The following KLRK1 variants were observed in gnomAD, a reference collection of about 807,000 sequenced individuals.
KLRK1 encodes killer cell lectin like receptor K1, also known as NKG2-D type II integral membrane protein.
In KLRK1, 40 loss-of-function variants were observed where a neutral mutation model predicts 31.3. The observed-to-expected ratio is 1.28, with a 90% CI of 0.99 to 1.67. The LOEUF (loss-of-function observed/expected upper bound fraction) is 1.67, where lower values mean the gene tolerates loss of function less well. Ranked by LOEUF, KLRK1 falls within the 40% of genes most tolerant of loss-of-function variation. The probability of loss-of-function intolerance (pLI) is 0.00; values close to 1 mark genes in which losing one functional copy is unlikely to be tolerated. For synonymous variants in KLRK1, 77 were observed against 77.3 expected (o/e 1.00, Z 0.02); for missense variants, 251 against 260.0 (o/e 0.97, Z 0.24).
chr12:10,377,795 A>T (rs1862993117), intron 7 of KLRK1, among the ~76,000 whole-genome samples: 1 of 152,212 alleles, frequency 6.6e-6, no homozygotes, highest in Admixed American at 6.5e-5. Flanking sequence ...TTATATGTTA[A>T]TTATATCTCA....
Position 10,378,674 on chromosome 12 carries a change from C to A in KLRK1, c.309G>T (p.Trp103Cys). ...GGTAGCAGTTATTTTTGTAACATATCCAGTTTTTAGGACATGGGCCACAGT... is the reference window on the plus strand; with the variant it reads ...GGTAGCAGTTATTTTTGTAACATATACAGTTTTTAGGACATGGGCCACAGT... ...ESYCGPCPKN[W>C]ICYKNNCYQF... Residue 103 changes from tryptophan to cysteine, a missense_variant, in exon 6 of 8, where the codon TGG (tryptophan) becomes TGT (cysteine). Coordinates refer to ENST00000240618, the MANE Select transcript of KLRK1 (RefSeq NM_007360.4). 1.2e-6 allele frequency: 2 copies of A among 1,609,596 alleles called. No homozygotes were observed. Among genetic ancestry groups the A allele is most frequent in the South Asian group, 1.1e-5 (1 of 90,026 alleles).
chr12:10,386,458 A>G (rs1015630099), intron 3 of KLRK1, among the ~76,000 whole-genome samples: 5 of 152,082 alleles, frequency 3.3e-5, no homozygotes, highest in African/African-American at 1.2e-4. Flanking sequence ...ATAAAGGTCT[A>G]TTACCAATAA....
intron 2 of KLRK1, among the ~76,000 whole-genome samples, chr12:10,387,671 G>C (rs1863194110): frequency 6.6e-6 from 1 of 151,240 alleles, no homozygotes; most frequent in Non-Finnish European, 1.5e-5. Flanking sequence ...TCAGCCTCTT[G>C]AGTAGCTGGG....
At chr12:10,378,325 C>G (rs1863003853) in intron 6 of KLRK1, 90 bp from the exon 7 acceptor site, 1 of 1,431,224 alleles carries the variant, frequency 7.0e-7, no homozygotes, top group South Asian at 1.3e-5. Context: ...TGTTCTCACA[C>G]TTGTAAAAAA....
At position 10,373,081 on chromosome 12, in the gene KLRK1, G is replaced by C; in HGVS notation, c.*33C>G. On this transcript the variant is annotated 3_prime_UTR_variant, in exon 8 of 8. Coordinates refer to ENST00000240618, the MANE Select transcript of KLRK1 (RefSeq NM_007360.4). ...TTACCGCTGGTGTAATCTCTTCTCT[G>C]TTCCTGGCTTTTATTGAGATGGTTG... is the stretch of plus-strand genomic sequence containing the variant. 1 of 1,590,254 alleles carries C rather than the reference G, an allele frequency of 6.3e-7. No individual in the cohort carries two copies. The highest frequency in any genetic ancestry group is 8.6e-7 in the Non-Finnish European group (1 of 1,160,982).
At chr12:10,380,627 G>A (rs1450418923) in intron 3 of KLRK1, among the ~76,000 whole-genome samples, 1 of 152,162 alleles carries the variant, frequency 6.6e-6, no homozygotes, top group Non-Finnish European at 1.5e-5. Flanking sequence ...TTGGAGCCAA[G>A]AGGGACTCTC....
intron 5 of KLRK1, 70 bp from the exon 6 acceptor site, chr12:10,378,775 T>G: frequency 6.7e-7 from 1 of 1,489,956 alleles, no homozygotes; most frequent in African/African-American, 1.4e-5. Context: ...CTAGACAAAT[T>G]AAATGCCTTT....
chr12:10,382,484 G>A (rs756318087), intron 3 of KLRK1, among the ~76,000 whole-genome samples: 7 of 152,062 alleles, frequency 4.6e-5, no homozygotes, highest in African/African-American at 1.2e-4. Context: ...CTGAGATACC[G>A]TACCCAGCAA....
At chr12:10,378,031 G>A in intron 7 of KLRK1, 101 bp downstream of exon 7, 1 of 1,222,390 alleles carries the variant, frequency 8.2e-7, no homozygotes, top group Non-Finnish European at 1.2e-6. Context: ...ATTAGAATGT[G>A]CAAATGTCCT....
At chr12:10,389,350 TATC>T (rs764348923) in intron 1 of KLRK1, among the ~76,000 whole-genome samples, 104 of 152,294 alleles carry the variant, frequency 6.8e-4, no homozygotes, top group Admixed American at 6.5e-4. Flanking sequence ...AACGTGCCCA[TATC>T]ATCATCATCA....
intron 3 of KLRK1, among the ~76,000 whole-genome samples, chr12:10,386,610 CT>C (rs1371993614): frequency 6.6e-6 from 1 of 151,864 alleles, no homozygotes; most frequent in Non-Finnish European, 1.5e-5. Flanking sequence ...CTTTTCTCTT[CT>C]CTTTTTCATT....
chr12:10,378,960 C>G (rs917668422), intron 5 of KLRK1: 1 of 301,176 alleles, frequency 3.3e-6, no homozygotes, highest in Non-Finnish European at 6.0e-6. Context: ...TTGATACCAG[C>G]CTGGCCAACA....
chr12:10,385,674 T>C (rs185000810), intron 3 of KLRK1, among the ~76,000 whole-genome samples: 1 of 152,056 alleles, frequency 6.6e-6, no homozygotes, highest in African/African-American at 2.4e-5. Flanking sequence ...ACATGCGGGA[T>C]TTTTCTAGTG....
At chr12:10,385,078 G>T (rs1370852796) in intron 3 of KLRK1, among the ~76,000 whole-genome samples, 1 of 151,828 alleles carries the variant, frequency 6.6e-6, no homozygotes, top group Non-Finnish European at 1.5e-5. Flanking sequence ...TATTTAAAAA[G>T]ACAAAAAATA....
intron 7 of KLRK1, among the ~76,000 whole-genome samples, chr12:10,374,717 G>A (rs1007395667): frequency 3.3e-5 from 5 of 152,054 alleles, no homozygotes; most frequent in Non-Finnish European, 5.9e-5. Flanking sequence ...GTGTTCCTTC[G>A]ATTTCTTTCT....
intron 3 of KLRK1, among the ~76,000 whole-genome samples, chr12:10,382,753 A>G (rs78965444): frequency 0.038 from 5,801 of 152,314 alleles, 161 homozygotes; most frequent in Non-Finnish European, 0.062. Context: ...ACCAAAAGAC[A>G]ACTCTATCAA....
intron 5 of KLRK1, 143 bp downstream of exon 5, chr12:10,379,304 T>A (rs75197860): frequency 0.046 from 16,785 of 364,746 alleles, 533 homozygotes; most frequent in Non-Finnish European, 0.051. Flanking sequence ...TCCCTCATTG[T>A]TAAAAGGAAA....
intron 3 of KLRK1, among the ~76,000 whole-genome samples, chr12:10,380,556 A>T (rs1305666597): frequency 2.0e-5 from 3 of 152,134 alleles, no homozygotes; most frequent in Non-Finnish European, 2.9e-5. Context: ...AGTCTCTCTG[A>T]GGCACAGATG....
chr12:10,389,309 T>C (rs1863230422), intron 1 of KLRK1, among the ~76,000 whole-genome samples: 1 of 152,170 alleles, frequency 6.6e-6, no homozygotes, highest in South Asian at 2.1e-4. Context: ...TGCACTTTTG[T>C]TGAATGTCCT....
Sources: allele counts gnomAD v4.1 joint callset (sites outside exome capture counted in the v4.1 genomes callset), GRCh38; gene constraint gnomAD v4.1.1; transcripts MANE v1.5; gene names NCBI Gene and HGNC (gene_info 2026-07-23, HGNC 2026-07-21).